TTC28: variants seen among roughly 807,000 people sequenced by gnomAD.
The protein encoded by TTC28 is tetratricopeptide repeat protein 28.
In TTC28, 61 loss-of-function variants were observed where a neutral mutation model predicts 198.0. The observed-to-expected ratio is 0.31, with a 90% CI of 0.25 to 0.38. The LOEUF (loss-of-function observed/expected upper bound fraction) is 0.38, where lower values mean the gene tolerates loss of function less well. Among genes scored for constraint, TTC28 ranks in the 10% least tolerant of loss-of-function variants. The probability of loss-of-function intolerance (pLI) is 1.00; values close to 1 mark genes in which losing one functional copy is unlikely to be tolerated. For synonymous variants in TTC28, 1,171 were observed against 1,297.8 expected (o/e 0.90, Z 2.10); for missense variants, 2,678 against 3,164.0 (o/e 0.85, Z 3.69).
chr22:28,486,328 G>A lies in TTC28; in HGVS notation c.381+143224C>T, dbSNP rs768213751. Among the ~76,000 whole-genome samples, 26 of 152,214 alleles carry A rather than the reference G, an allele frequency of 1.7e-4. No individual in the cohort carries two copies. The Middle Eastern group carries it at 0.02, about 119-fold the overall frequency. Reference sequence around the variant, plus strand: ...TAAAAGGACTATAATCAGAGATATGGAAGGAAGACAAACTGCATTAATTTT... The same window carrying A: ...TAAAAGGACTATAATCAGAGATATGAAAGGAAGACAAACTGCATTAATTTT... On this transcript the variant is annotated intron_variant, in intron 2 of 22. Coordinates refer to ENST00000397906, the MANE Select transcript of TTC28 (RefSeq NM_001145418.2).
At chr22:28,169,195 A>G (rs1409299413) in intron 5 of TTC28, among the ~76,000 whole-genome samples, 1 of 152,182 alleles carries the variant, frequency 6.6e-6, no homozygotes, top group Non-Finnish European at 1.5e-5. Flanking sequence ...GAGGATGTGG[A>G]GAAATAGGAA....
intron 1 of TTC28, among the ~76,000 whole-genome samples, chr22:28,679,207 G>T (rs9625528): frequency 0.011 from 1,695 of 152,326 alleles, 28 homozygotes; most frequent in African/African-American, 0.039. Flanking sequence ...ACCCCGGAAA[G>T]GTAGCACCTG....
intron 2 of TTC28, among the ~76,000 whole-genome samples, chr22:28,311,649 T>C (rs1010336867): frequency 2.6e-5 from 4 of 152,188 alleles, no homozygotes; most frequent in African/African-American, 7.2e-5. Flanking sequence ...TTATGCTTTC[T>C]CTGTGTTGCA....
chr22:28,164,883 C>G (rs1434833206), intron 5 of TTC28, among the ~76,000 whole-genome samples: 1 of 151,924 alleles, frequency 6.6e-6, no homozygotes, highest in Non-Finnish European at 1.5e-5. Context: ...CTACTCTGAG[C>G]TAAAGGAGGA....
chr22:27,995,432 C>T (rs1356657336), intron 17 of TTC28, among the ~76,000 whole-genome samples: 1 of 152,176 alleles, frequency 6.6e-6, no homozygotes, highest in Non-Finnish European at 1.5e-5. Flanking sequence ...AACGGCCTTC[C>T]AGGTTGTTCC....
intron 5 of TTC28, among the ~76,000 whole-genome samples, chr22:28,178,097 GAA>G (rs983739730): frequency 6.6e-6 from 1 of 152,112 alleles, no homozygotes; most frequent in Non-Finnish European, 1.5e-5. Flanking sequence ...GGGGGAGAGA[GAA>G]AGGGTATGTG....
At chr22:28,092,448 G>T (rs2146852204) in intron 12 of TTC28, among the ~76,000 whole-genome samples, 1 of 152,278 alleles carries the variant, frequency 6.6e-6, no homozygotes, top group East Asian at 1.9e-4. Context: ...CCCACCATGG[G>T]ATCAGCCTTT....
At chr22:28,317,766 G>A (rs907069357) in intron 2 of TTC28, among the ~76,000 whole-genome samples, 11 of 152,052 alleles carry the variant, frequency 7.2e-5, no homozygotes, top group Non-Finnish European at 1.3e-4. Context: ...CTGTAATTAG[G>A]TCTACATAAA....
intron 5 of TTC28, among the ~76,000 whole-genome samples, chr22:28,216,865 G>C (rs1443362393): frequency 1.3e-5 from 2 of 151,996 alleles, no homozygotes; most frequent in African/African-American, 2.4e-5. Flanking sequence ...CAGATCACAG[G>C]CGCATGCCAC....
intron 14 of TTC28, among the ~76,000 whole-genome samples, chr22:28,010,736 C>A (rs890436164): frequency 1.3e-5 from 2 of 152,214 alleles, no homozygotes; most frequent in African/African-American, 4.8e-5. Context: ...CGGGAACAGG[C>A]CCAGCCCCTT....
chr22:28,105,182 C>T, intron 8 of TTC28, 97 bp downstream of exon 8: 1 of 1,293,366 alleles, frequency 7.7e-7, no homozygotes, highest in Non-Finnish European at 1.1e-6. Context: ...ACAGAGGTGG[C>T]CATTCAAACT....
intron 5 of TTC28, among the ~76,000 whole-genome samples, chr22:28,249,870 G>A (rs1930395035): frequency 1.3e-5 from 2 of 152,182 alleles, no homozygotes; most frequent in Non-Finnish European, 2.9e-5. Context: ...GGTCGGGCCT[G>A]AAGACCAGCC....
chr22:28,042,107 T>C (rs1939661827), intron 12 of TTC28, among the ~76,000 whole-genome samples: 1 of 152,012 alleles, frequency 6.6e-6, no homozygotes, highest in African/African-American at 2.4e-5. Context: ...TGTGGAGAAA[T>C]AGGAATGCTT....
At chr22:28,265,883 T>C (rs946043382) in intron 5 of TTC28, among the ~76,000 whole-genome samples, 3 of 152,218 alleles carry the variant, frequency 2.0e-5, no homozygotes, top group Middle Eastern at 3.4e-3. Context: ...GCAATACTTA[T>C]TACAATTATT....
chr22:28,221,785 T>G (rs1218802676), intron 5 of TTC28, among the ~76,000 whole-genome samples: 2 of 152,208 alleles, frequency 1.3e-5, no homozygotes, highest in Admixed American at 1.3e-4. Context: ...TTACTTTTTC[T>G]GTGAAATGGG....
chr22:28,583,794 G>A (rs1180339770), intron 2 of TTC28, among the ~76,000 whole-genome samples: 2 of 151,938 alleles, frequency 1.3e-5, no homozygotes, highest in Non-Finnish European at 2.9e-5. Context: ...CAGAATATAA[G>A]AATAAAAATA....
At chr22:28,598,677 T>C (rs16986542) in intron 2 of TTC28, among the ~76,000 whole-genome samples, 2,418 of 152,208 alleles carry the variant, frequency 0.016, 84 homozygotes, top group African/African-American at 0.056. Flanking sequence ...TGTCAAATGA[T>C]TTATAGATTA....
chr22:28,084,040 C>T (rs1056540914), intron 12 of TTC28, among the ~76,000 whole-genome samples: 7 of 152,238 alleles, frequency 4.6e-5, no homozygotes, highest in South Asian at 2.1e-4. Flanking sequence ...GAGCCCACCA[C>T]AGCTCAAGGA....
intron 2 of TTC28, among the ~76,000 whole-genome samples, chr22:28,552,934 G>C (rs568999235): frequency 6.6e-6 from 1 of 152,140 alleles, no homozygotes; most frequent in African/African-American, 2.4e-5. Flanking sequence ...TTGCAGGCGC[G>C]CGCCACCATG....
Sources: allele counts gnomAD v4.1 joint callset (sites outside exome capture counted in the v4.1 genomes callset), GRCh38; gene constraint gnomAD v4.1.1; transcripts MANE v1.5; gene names NCBI Gene and HGNC (gene_info 2026-07-23, HGNC 2026-07-21).